Variants in CSMD3 observed in about 807,000 individuals in gnomAD.
CSMD3 encodes the protein CUB and Sushi multiple domains 3, also known as CUB and sushi domain-containing protein 3.
CSMD3 carries 177 observed loss-of-function variants against 435.2 expected under a neutral mutation model. That is an observed-to-expected ratio of 0.41 (90% CI 0.36 to 0.46). The LOEUF is 0.46. Among genes scored for constraint, CSMD3 ranks in the 20% least tolerant of loss-of-function variants. The pLI is 0.34. For missense variants in CSMD3, 4,265 were observed against 4,504.6 expected (o/e 0.95, Z 1.52); for synonymous variants, 1,656 against 1,520.5 (o/e 1.09, Z -2.07).
intron 13 of CSMD3, among the ~76,000 whole-genome samples, chr8:112,780,324 T>C (rs2078352441): frequency 6.6e-6 from 1 of 152,006 alleles, no homozygotes; most frequent in South Asian, 2.1e-4. Context: ...TCTTTTTGAG[T>C]CTCAATTTCC....
At chr8:112,976,843 T>C (rs762798482) in intron 6 of CSMD3, among the ~76,000 whole-genome samples, 65 of 152,130 alleles carry the variant, frequency 4.3e-4, no homozygotes, top group Non-Finnish European at 7.9e-4. Context: ...TTATGAAATT[T>C]GGAAGTGGTT....
At position 112,730,157 on chromosome 8, in the gene CSMD3, A is replaced by G. The variant is rs73338166; in HGVS notation, c.1973-40107T>C. ...TTTGTTTGTGAAGAGATTAATTATAATGAAAGACTAAACAAGGATCTAGAC... is the reference window on the plus strand; with the variant it reads ...TTTGTTTGTGAAGAGATTAATTATAGTGAAAGACTAAACAAGGATCTAGAC... On this transcript the variant is annotated intron_variant, in intron 13 of 70. Transcript: ENST00000297405. Among the ~76,000 whole-genome samples the G allele has an allele frequency of 5.3e-3, 813 of 152,240 alleles. 2 individuals are homozygous for G. Among genetic ancestry groups the G allele is most frequent in the African/African-American group, 0.018 (763 of 41,564 alleles).
chr8:112,992,044 G>A (rs1019806682), intron 6 of CSMD3, among the ~76,000 whole-genome samples: 1 of 151,798 alleles, frequency 6.6e-6, no homozygotes, highest in East Asian at 1.9e-4. Context: ...CAAAATAGTA[G>A]ATCCTCATTA....
At chr8:112,879,768 C>G (rs186002075) in intron 10 of CSMD3, among the ~76,000 whole-genome samples, 119 of 152,120 alleles carry the variant, frequency 7.8e-4, no homozygotes, top group African/African-American at 2.7e-3. Flanking sequence ...CCCCTGAGAG[C>G]TGGGACATCA....
At position 112,390,683 on chromosome 8, in the gene CSMD3, G is replaced by A. The variant is rs2129721214; in HGVS notation, c.5915C>T (p.Pro1972Leu). 6.2e-7 allele frequency: 1 copy of A among 1,613,254 alleles called. No homozygotes were observed. Among genetic ancestry groups the A allele is most frequent in the Non-Finnish European group, 8.5e-7 (1 of 1,179,264 alleles). Residue 1972 changes from proline (P) to leucine (L), a missense_variant, in exon 36 of 71, where the codon CCA (proline) becomes CTA (leucine). By Grantham distance (98) the Pro-to-Leu change is moderately conservative (BLOSUM62 -3). Coordinates refer to ENST00000297405, the MANE Select transcript of CSMD3 (RefSeq NM_198123.2). ...TCTTACTTGAATGCCAGCTCCCTCT[G>A]GCACTGTGATCTTCCACACACAATT... ...NLNCVWKITVPEGAGIQVQVV... is the reference protein window; with the variant it reads ...NLNCVWKITVLEGAGIQVQVV...
intron 11 of CSMD3, among the ~76,000 whole-genome samples, chr8:112,830,478 A>C (rs1314533217): frequency 6.6e-6 from 1 of 152,154 alleles, no homozygotes; most frequent in African/African-American, 2.4e-5. Context: ...AAAAATTCAA[A>C]TTTAATTAAA....
chr8:112,641,107 T>C (rs181295488), intron 20 of CSMD3, among the ~76,000 whole-genome samples: 3 of 152,280 alleles, frequency 2.0e-5, no homozygotes, highest in Admixed American at 2.0e-4. Flanking sequence ...GGTAAATGAC[T>C]TCGCACAGTG....
At position 112,488,473 on chromosome 8, in the gene CSMD3, AT is replaced by A. The variant is rs139102335; in HGVS notation, c.5278+4015del. Among the ~76,000 whole-genome samples the A allele has an allele frequency of 9.5e-4, 145 of 152,334 alleles. No homozygotes were observed. The East Asian group carries it at 0.022, about 23-fold the overall frequency. On this transcript the variant is annotated intron_variant, in intron 31 of 70. Transcript: ENST00000297405. ...TGGTATTTGCTTCTACACTAAAAAA[AT>A]AAAGAATAAACAAAGAAAAAGTTTT... is the stretch of plus-strand genomic sequence containing the variant.
chr8:112,974,108 T>G (rs1408684272), intron 7 of CSMD3, among the ~76,000 whole-genome samples: 1 of 151,954 alleles, frequency 6.6e-6, no homozygotes, highest in Non-Finnish European at 1.5e-5. Flanking sequence ...GGAGAAAGTT[T>G]GAGCACTGAT....
intron 22 of CSMD3, among the ~76,000 whole-genome samples, chr8:112,598,817 T>C (rs1390390417): frequency 6.6e-6 from 1 of 152,238 alleles, no homozygotes; most frequent in Admixed American, 6.5e-5. Context: ...GCTAGCCATA[T>C]GTAGAAAGCT....
intron 3 of CSMD3, among the ~76,000 whole-genome samples, chr8:113,215,903 G>A (rs920462792): frequency 6.6e-6 from 1 of 151,478 alleles, no homozygotes; most frequent in African/African-American, 2.4e-5. Context: ...TGGCTTTTGT[G>A]AATACTTTTT....
intron 5 of CSMD3, among the ~76,000 whole-genome samples, chr8:113,022,063 T>C (rs1349739341): frequency 6.6e-6 from 1 of 152,196 alleles, no homozygotes; most frequent in African/African-American, 2.4e-5. Context: ...ACACTCATTC[T>C]AAACAATATG....
At chr8:112,915,227 A>G (rs907885428) in intron 10 of CSMD3, among the ~76,000 whole-genome samples, 1 of 151,748 alleles carries the variant, frequency 6.6e-6, no homozygotes, top group African/African-American at 2.4e-5. Flanking sequence ...AAGACATTAC[A>G]TTTCAGATTT....
At chr8:113,138,960 T>C (rs2091484084) in intron 4 of CSMD3, among the ~76,000 whole-genome samples, 1 of 151,186 alleles carries the variant, frequency 6.6e-6, no homozygotes, top group African/African-American at 2.4e-5. Flanking sequence ...ATACTTTTAT[T>C]TACATTTGAA....
chr8:112,814,884 C>T (rs910762299), intron 12 of CSMD3, among the ~76,000 whole-genome samples: 2 of 152,000 alleles, frequency 1.3e-5, no homozygotes, highest in Admixed American at 6.6e-5. Flanking sequence ...TCTATAATCA[C>T]TCAAGGCCTT....
chr8:113,309,035 G>A (rs1011801444), intron 2 of CSMD3, among the ~76,000 whole-genome samples: 11 of 151,894 alleles, frequency 7.2e-5, no homozygotes, highest in African/African-American at 9.7e-5. Flanking sequence ...TGCAACCTCC[G>A]CTTCCTGGGT....
intron 6 of CSMD3, among the ~76,000 whole-genome samples, chr8:112,986,097 A>G (rs1277503540): frequency 6.6e-6 from 1 of 152,170 alleles, no homozygotes; most frequent in Admixed American, 6.6e-5. Flanking sequence ...GACTCTGAGT[A>G]TTTTGCAATA....
chr8:113,400,874 G>T (rs1240303603), intron 1 of CSMD3, among the ~76,000 whole-genome samples: 2 of 151,642 alleles, frequency 1.3e-5, no homozygotes, highest in Non-Finnish European at 3.0e-5. Flanking sequence ...TTTATTTATT[G>T]GTTGGAGAGT....
intron 32 of CSMD3, among the ~76,000 whole-genome samples, chr8:112,412,675 GT>G (rs1168780024): frequency 6.6e-6 from 1 of 151,984 alleles, no homozygotes; most frequent in Non-Finnish European, 1.5e-5. Flanking sequence ...AAATTATCTA[GT>G]TTTTATGCCT....
Sources: allele counts gnomAD v4.1 joint callset (sites outside exome capture counted in the v4.1 genomes callset), GRCh38; gene constraint gnomAD v4.1.1; transcripts MANE v1.5; gene names NCBI Gene and HGNC (gene_info 2026-07-23, HGNC 2026-07-21).